The following FHIT variants were observed in gnomAD, a reference collection of about 807,000 sequenced individuals.
FHIT encodes bis(5'-adenosyl)-triphosphatase.
In FHIT, 19 loss-of-function variants were observed where a neutral mutation model predicts 17.9. That is an observed-to-expected ratio of 1.06 (90% CI 0.74 to 1.56). The LOEUF (loss-of-function observed/expected upper bound fraction) is 1.56, where lower values mean the gene tolerates loss of function less well. Among genes scored for constraint, FHIT ranks in the 40% most tolerant of loss-of-function variants. The pLI is 0.00. For missense variants in FHIT, 248 were observed against 189.2 expected (o/e 1.31, Z -1.82); for synonymous variants, 81 against 69.7 (o/e 1.16, Z -0.81).
chr3:60,007,355 G>T (rs1699964907), intron 7 of FHIT, among the ~76,000 whole-genome samples: 1 of 152,182 alleles, frequency 6.6e-6, no homozygotes, highest in African/African-American at 2.4e-5. Context: ...GAATATAGAA[G>T]ACTTTTGATA....
chr3:59,888,343 G>A (rs1218907903), intron 8 of FHIT, among the ~76,000 whole-genome samples: 2 of 152,124 alleles, frequency 1.3e-5, no homozygotes, highest in Non-Finnish European at 2.9e-5. Context: ...TTCTAATAAG[G>A]AGAAAAGTGT....
chr3:60,448,113 G>C (rs951648741), intron 5 of FHIT, among the ~76,000 whole-genome samples: 20 of 152,156 alleles, frequency 1.3e-4, no homozygotes, highest in Non-Finnish European at 2.5e-4. Flanking sequence ...GGTGGATACT[G>C]ACCTCAATTG....
intron 2 of FHIT, among the ~76,000 whole-genome samples, chr3:61,174,514 T>C (rs1335800233): frequency 6.6e-6 from 1 of 152,206 alleles, no homozygotes; most frequent in Non-Finnish European, 1.5e-5. Context: ...TATTCAGAGT[T>C]TACTCTGGGC....
At chr3:61,011,034 A>G (rs540930870) in intron 3 of FHIT, among the ~76,000 whole-genome samples, 9 of 152,304 alleles carry the variant, frequency 5.9e-5, no homozygotes, top group Non-Finnish European at 1.3e-4. Flanking sequence ...ACTTAAGGTA[A>G]ACTTCGAATG....
At chr3:60,179,388 T>C (rs73097583) in intron 5 of FHIT, among the ~76,000 whole-genome samples, 27,717 of 152,242 alleles carry the variant, frequency 0.18, 3,200 homozygotes, top group East Asian at 0.32. Flanking sequence ...CAAAACCATT[T>C]TGAAATATCT....
intron 5 of FHIT, among the ~76,000 whole-genome samples, chr3:60,415,220 C>A (rs1702203116): frequency 6.6e-6 from 1 of 152,114 alleles, no homozygotes; most frequent in Admixed American, 6.6e-5. Flanking sequence ...GTGCCAGGTA[C>A]TGCTGGGCAC....
At chr3:60,995,935 TG>T (rs2030642535) in intron 3 of FHIT, among the ~76,000 whole-genome samples, 2 of 152,220 alleles carry the variant, frequency 1.3e-5, no homozygotes, top group African/African-American at 4.8e-5. Flanking sequence ...TTTCCTCAAG[TG>T]GTTCTTAGCA....
At chr3:60,870,537 G>C (rs192027523) in intron 3 of FHIT, among the ~76,000 whole-genome samples, 1 of 152,232 alleles carries the variant, frequency 6.6e-6, no homozygotes, top group African/African-American at 2.4e-5. Flanking sequence ...CACAGGCAAG[G>C]CTATCCTTAT....
intron 4 of FHIT, among the ~76,000 whole-genome samples, chr3:60,710,203 A>G (rs1466375887): frequency 6.6e-6 from 1 of 152,332 alleles, no homozygotes; most frequent in African/African-American, 2.4e-5. Flanking sequence ...TGGCAGTGAA[A>G]AATGAAAGGC....
intron 7 of FHIT, among the ~76,000 whole-genome samples, chr3:59,945,134 C>T (rs966116310): frequency 1.3e-5 from 2 of 152,122 alleles, no homozygotes; most frequent in Non-Finnish European, 2.9e-5. Context: ...GTTTACATTC[C>T]CACAAGCAGT....
intron 3 of FHIT, among the ~76,000 whole-genome samples, chr3:60,850,521 C>T (rs1288801637): frequency 2.0e-5 from 3 of 152,032 alleles, no homozygotes; most frequent in African/African-American, 7.2e-5. Context: ...CTCATTGCAT[C>T]CCATTACTTT....
chr3:60,903,054 A>G (rs1553763607), intron 3 of FHIT, among the ~76,000 whole-genome samples: 1 of 152,234 alleles, frequency 6.6e-6, no homozygotes, highest in Non-Finnish European at 1.5e-5. Flanking sequence ...CAAAATGCAG[A>G]GAATAATTCC....
At chr3:60,609,078 G>A (rs1300109944) in intron 4 of FHIT, among the ~76,000 whole-genome samples, 2 of 151,326 alleles carry the variant, frequency 1.3e-5, no homozygotes, top group East Asian at 3.9e-4. Context: ...ATTTTCTGCT[G>A]TTCCTACTCT....
intron 4 of FHIT, among the ~76,000 whole-genome samples, chr3:60,608,157 C>T (rs2038667602): frequency 6.6e-6 from 1 of 152,142 alleles, no homozygotes; most frequent in South Asian, 2.1e-4. Context: ...ACAAGACTCT[C>T]ACTCTCACCC....
intron 8 of FHIT, among the ~76,000 whole-genome samples, chr3:59,800,026 A>G (rs1699933131): frequency 6.6e-6 from 1 of 152,242 alleles, no homozygotes; most frequent in African/African-American, 2.4e-5. Context: ...CATATCAAGG[A>G]AGTGAAAACC....
chr3:59,810,264 G>A (rs905573872), intron 8 of FHIT, among the ~76,000 whole-genome samples: 24 of 152,280 alleles, frequency 1.6e-4, no homozygotes, highest in East Asian at 1.9e-4. Flanking sequence ...TCAAAGGCAC[G>A]GTTTGAGCCT....
chr3:60,713,090 G>C (rs2041584290), intron 4 of FHIT, among the ~76,000 whole-genome samples: 1 of 152,296 alleles, frequency 6.6e-6, no homozygotes. Flanking sequence ...TCAGACCACA[G>C]TGCAATCAAA....
At chr3:60,691,115 T>C (rs1471378779) in intron 4 of FHIT, among the ~76,000 whole-genome samples, 1 of 150,546 alleles carries the variant, frequency 6.6e-6, no homozygotes, top group African/African-American at 2.5e-5. Context: ...CCTTCAATTT[T>C]TGTTTTTTGG....
intron 5 of FHIT, among the ~76,000 whole-genome samples, chr3:60,173,884 AATATATATATATATAT>A (rs776742490): frequency 6.6e-4 from 20 of 30,510 alleles, no homozygotes; most frequent in South Asian, 5.4e-3. Context: ...CCATGTTTCT[AATATATATATATATAT>A]ATATATATAT....
Sources: gnomAD v4.1 joint callset for allele counts (sites outside exome capture counted in the v4.1 genomes callset) on GRCh38, gnomAD v4.1.1 for gene constraint, MANE v1.5 for transcripts, NCBI Gene and HGNC (gene_info 2026-07-23, HGNC 2026-07-21) for gene names.